Variants in MINDY4 observed in about 807,000 individuals in gnomAD.
The protein encoded by MINDY4 is MINDY lysine 48 deubiquitinase 4.
Under a neutral mutation model 87.0 loss-of-function variants are expected in MINDY4, and 68 were observed. The observed-to-expected ratio is 0.78, with a 90% confidence interval of 0.64 to 0.96. The LOEUF is 0.96. Among genes scored for constraint, MINDY4 ranks in the 40% least tolerant of loss-of-function variants. The pLI is 0.00. For synonymous variants in MINDY4, 379 were observed against 363.2 expected (o/e 1.04, Z -0.50); for missense variants, 919 against 928.2 (o/e 0.99, Z 0.13).
intron 11 of MINDY4, 22 bp downstream of exon 11, chr7:30,852,301 T>A: frequency 6.2e-7 from 1 of 1,614,016 alleles, no homozygotes; most frequent in Non-Finnish European, 8.5e-7. Flanking sequence ...TGGAAAATTA[T>A]CACGCAAACT....
chr7:30,804,954 C>T (rs765829838), intron 5 of MINDY4, among the ~76,000 whole-genome samples: 12 of 152,104 alleles, frequency 7.9e-5, no homozygotes, highest in Non-Finnish European at 1.6e-4. Flanking sequence ...AGCTGGAGCC[C>T]AGGGGATGTG....
chr7:30,873,412 G>A (rs991958433), intron 14 of MINDY4, among the ~76,000 whole-genome samples: 6 of 152,188 alleles, frequency 3.9e-5, no homozygotes, highest in African/African-American at 1.4e-4. Flanking sequence ...TATGAGCTGG[G>A]GCAGTCTTTT....
rs1366501227 is a variant in MINDY4 at position 30,785,778 on chromosome 7, G to A, written c.449G>A (p.Gly150Asp). The A allele has an allele frequency of 1.9e-6, 3 of 1,614,032 alleles. No homozygotes were observed. The highest frequency in any genetic ancestry group is 2.5e-6 in the Non-Finnish European group (3 of 1,180,018). ...GACAATCTTGATGGAGATGTACTTG[G>A]TAATTTTGTATCATCTAAAAGGCCC... ...RHDNLDGDVL[G>D]NFVSSKRPPH... The change falls in exon 4 of 18, where the codon GGT becomes GAT. Residue 150 changes from glycine to aspartate, a missense_variant. Transcript: ENST00000265299.
intron 13 of MINDY4, among the ~76,000 whole-genome samples, chr7:30,867,606 T>A (rs1300064790): frequency 6.6e-6 from 1 of 152,184 alleles, no homozygotes; most frequent in Non-Finnish European, 1.5e-5. Flanking sequence ...GTTCTCTTGG[T>A]TGTACCACAG....
chr7:30,891,696 A>C (rs1461646507), intron 17 of MINDY4, among the ~76,000 whole-genome samples: 1 of 152,114 alleles, frequency 6.6e-6, no homozygotes, highest in African/African-American at 2.4e-5. Context: ...GCCAGGCGCA[A>C]AGTAGGTTGT....
At chr7:30,831,879 C>T (rs1163387010) in intron 6 of MINDY4, among the ~76,000 whole-genome samples, 1 of 152,180 alleles carries the variant, frequency 6.6e-6, no homozygotes, top group Non-Finnish European at 1.5e-5. Context: ...GGAAACAAAA[C>T]CCCTTGCTTC....
Position 30,882,203 on chromosome 7 carries a change from C to G in MINDY4, c.1994C>G (p.Pro665Arg), listed in dbSNP as rs540093457. ...CAGGTTGGCTGCTTCCTGAAGACCC[C>G]GAGGTTCCCCATCTGGGTGGTTTGC... Reference protein sequence around the residue: ...MCQVGCFLKTPRFPIWVVCSE... With the variant: ...MCQVGCFLKTRRFPIWVVCSE... Residue 665 changes from proline to arginine, a missense_variant, in exon 16 of 18, where the codon CCG becomes CGG. Physicochemically the swap from Pro to Arg is moderately radical, Grantham distance 103. Coordinates refer to ENST00000265299, the MANE Select transcript of MINDY4 (RefSeq NM_032222.3). The G allele has an allele frequency of 1.2e-6, 2 of 1,610,818 alleles. No individual in the cohort carries two copies. Among genetic ancestry groups the G allele is most frequent in the African/African-American group, 1.3e-5 (1 of 74,868 alleles).
chr7:30,869,791 A>G (rs939601158), intron 13 of MINDY4, among the ~76,000 whole-genome samples: 30 of 152,224 alleles, frequency 2.0e-4, no homozygotes, highest in Admixed American at 7.9e-4. Flanking sequence ...TCATGCCATT[A>G]CACCTCTCAT....
chr7:30,786,167 C>T (rs769753547), intron 4 of MINDY4, 175 bp downstream of exon 4: 11 of 817,590 alleles, frequency 1.3e-5, no homozygotes, highest in East Asian at 1.0e-4. Context: ...GTCAATGACA[C>T]GTGGGGCCTT....
chr7:30,777,820 G>T (rs752307525), intron 1 of MINDY4, among the ~76,000 whole-genome samples: 2 of 152,224 alleles, frequency 1.3e-5, no homozygotes, highest in East Asian at 3.8e-4. Flanking sequence ...AGGCACTTGC[G>T]AACAGGACCC....
At chr7:30,834,606 C>T (rs1234144251) in intron 6 of MINDY4, among the ~76,000 whole-genome samples, 1 of 152,226 alleles carries the variant, frequency 6.6e-6, no homozygotes, top group African/African-American at 2.4e-5. Context: ...ATTTCTGCAG[C>T]CAGCTTGAAT....
intron 8 of MINDY4, 42 bp from the exon 9 acceptor site, chr7:30,840,718 C>T (rs368497079): frequency 1.9e-6 from 3 of 1,590,172 alleles, no homozygotes; most frequent in South Asian, 1.1e-5. Context: ...AACTCTGCCC[C>T]AGGCCAGTTC....
intron 5 of MINDY4, among the ~76,000 whole-genome samples, chr7:30,800,542 G>T (rs535837324): frequency 6.6e-6 from 1 of 152,310 alleles, no homozygotes; most frequent in African/African-American, 2.4e-5. Context: ...AGGGTGCACT[G>T]GGATGCCCTG....
Position 30,785,751 on chromosome 7 carries a change from ATGACAATCT to A in MINDY4, c.426_434del (p.Asn143_Asp145del). 1 of 1,614,118 alleles carries A rather than the reference ATGACAATCT, an allele frequency of 6.2e-7. No individual in the cohort carries two copies. The highest frequency in any genetic ancestry group is 8.5e-7 in the Non-Finnish European group (1 of 1,180,008). On this transcript the variant is annotated inframe_deletion, in exon 4 of 18. Coordinates refer to ENST00000265299, the MANE Select transcript of MINDY4 (RefSeq NM_032222.3). ...ATGGAAATATTCCTTTTTCACAGAC[ATGACAATCT>A]TGATGGAGATGTACTTGGTAATTTT...
intron 5 of MINDY4, among the ~76,000 whole-genome samples, chr7:30,804,170 C>T (rs914293529): frequency 2.0e-5 from 3 of 152,206 alleles, no homozygotes; most frequent in African/African-American, 7.2e-5. Context: ...GGGCAGAGTT[C>T]CTCAAATCAC....
intron 4 of MINDY4, among the ~76,000 whole-genome samples, chr7:30,789,438 A>G (rs1243537129): frequency 6.6e-6 from 1 of 152,230 alleles, no homozygotes; most frequent in Non-Finnish European, 1.5e-5. Flanking sequence ...CCTTGGCCGT[A>G]CTTATTGGTT....
intron 13 of MINDY4, among the ~76,000 whole-genome samples, chr7:30,860,609 T>C (rs1312014935): frequency 6.6e-6 from 1 of 152,014 alleles, no homozygotes; most frequent in East Asian, 1.9e-4. Context: ...GATGCCAGTC[T>C]CAGCGCCCCC....
chr7:30,835,708 C>A (rs996701066), intron 6 of MINDY4, among the ~76,000 whole-genome samples: 32 of 152,228 alleles, frequency 2.1e-4, no homozygotes, highest in African/African-American at 6.8e-4. Context: ...CTCTGGCAGG[C>A]CCCTCTAGGG....
At chr7:30,780,523 C>G (rs1290517574) in intron 2 of MINDY4, 2 of 152,136 alleles carry the variant, frequency 1.3e-5, no homozygotes, top group Non-Finnish European at 2.9e-5. Flanking sequence ...AGCTGTTATA[C>G]AATGAATCGG....
Sources: allele counts gnomAD v4.1 joint callset (sites outside exome capture counted in the v4.1 genomes callset), GRCh38; gene constraint gnomAD v4.1.1; transcripts MANE v1.5; gene names NCBI Gene and HGNC (gene_info 2026-07-23, HGNC 2026-07-21).